CC2D2B: variants seen among roughly 807,000 people sequenced by gnomAD.
CC2D2B encodes the protein coiled-coil and C2 domain containing 2B.
In CC2D2B, 128 loss-of-function variants were observed where a neutral mutation model predicts 161.2. That is an observed-to-expected ratio of 0.79 (90% CI 0.69 to 0.92). The LOEUF (loss-of-function observed/expected upper bound fraction) is 0.92. CC2D2B is among the 40% of genes least tolerant of loss of function. The pLI, the probability that CC2D2B is intolerant of heterozygous loss-of-function variation, is 0.00. For synonymous variants in CC2D2B, 391 were observed against 449.8 expected (o/e 0.87, Z 1.65); for missense variants, 1,173 against 1,375.1 (o/e 0.85, Z 2.32).
intron 9 of CC2D2B, among the ~76,000 whole-genome samples, chr10:95,947,113 A>ATATATTTTTTTT (rs1289243570): frequency 2.1e-5 from 1 of 48,376 alleles, no homozygotes; most frequent in African/African-American, 9.4e-5. Context: ...ATATATATAT[A>ATATATTTTTTTT]TTTTTTTTTT....
chr10:96,010,428 T>C (rs1420793910), intron 26 of CC2D2B, among the ~76,000 whole-genome samples: 1 of 152,174 alleles, frequency 6.6e-6, no homozygotes, highest in Non-Finnish European at 1.5e-5. Flanking sequence ...TAAGTGATGA[T>C]AGGCAAGGCA....
chr10:96,002,298 C>G (rs1036190059), intron 24 of CC2D2B, among the ~76,000 whole-genome samples: 1 of 151,996 alleles, frequency 6.6e-6, no homozygotes, highest in African/African-American at 2.4e-5. Context: ...GATACAAGAC[C>G]CCAACTCCCC....
intron 2 of CC2D2B, among the ~76,000 whole-genome samples, chr10:95,914,525 A>G (rs1038208466): frequency 4.6e-5 from 7 of 152,106 alleles, no homozygotes; most frequent in Admixed American, 2.6e-4. Flanking sequence ...CCAAGTGTCA[A>G]TGGGGGGACC....
At chr10:95,989,612 A>T (rs972477810) in intron 20 of CC2D2B, among the ~76,000 whole-genome samples, 8 of 152,226 alleles carry the variant, frequency 5.3e-5, no homozygotes, top group Non-Finnish European at 8.8e-5. Context: ...TTTTTATGTA[A>T]GGAGAAGCCC....
intron 33 of CC2D2B, among the ~76,000 whole-genome samples, chr10:96,025,153 AAATATAT>A (rs1267253978): frequency 8.5e-5 from 2 of 23,420 alleles, no homozygotes; most frequent in East Asian, 2.9e-3. Flanking sequence ...TACTAAAAAA[AAATATAT>A]ATATATATAT....
At chr10:95,998,639 C>A (rs1377749239) in intron 24 of CC2D2B, among the ~76,000 whole-genome samples, 2 of 152,056 alleles carry the variant, frequency 1.3e-5, no homozygotes, top group African/African-American at 2.4e-5. Flanking sequence ...GGATGGCAAG[C>A]TGGAGACTTG....
rs1365500032 is a variant in CC2D2B, at chr10:96,009,879, G to C, written c.3001G>C (p.Gly1001Arg). The C allele has an allele frequency of 6.2e-7, 1 of 1,610,156 alleles. No individual in the cohort carries two copies. Among genetic ancestry groups the C allele is most frequent in the Non-Finnish European group, 8.5e-7 (1 of 1,177,434 alleles). Residue 1001 changes from glycine (G) to arginine (R), a missense_variant, in exon 26 of 35, where the codon GGA becomes CGA. Coordinates refer to ENST00000646931, the MANE Select transcript of CC2D2B (RefSeq NM_001349008.3). ...CTCATATATAAGAAAGAATTGGCTT[G>C]GATGCATTGTCTTCCCTTTTTCTGC... ...GHSYIRKNWLGCIVFPFSALL... is the reference protein window; with the variant it reads ...GHSYIRKNWLRCIVFPFSALL...
intron 9 of CC2D2B, among the ~76,000 whole-genome samples, chr10:95,942,288 G>A (rs374952865): frequency 1.8e-4 from 27 of 152,222 alleles, no homozygotes; most frequent in East Asian, 1.2e-3. Context: ...AAACTTAAAC[G>A]AGGGTAGATC....
At chr10:95,978,277 T>G (rs1452597478) in intron 17 of CC2D2B, among the ~76,000 whole-genome samples, 1 of 152,242 alleles carries the variant, frequency 6.6e-6, no homozygotes, top group African/African-American at 2.4e-5. Flanking sequence ...TCAGCCACTA[T>G]TTCTTCAAAT....
At chr10:95,921,371 A>C (rs889758647) in intron 2 of CC2D2B, 12 of 152,274 alleles carry the variant, frequency 7.9e-5, no homozygotes, top group Non-Finnish European at 1.5e-4. Context: ...TCTTCCTGCC[A>C]TGCTGCCTGG....
chr10:95,912,953 T>G (rs146629598), intron 2 of CC2D2B, among the ~76,000 whole-genome samples: 308 of 152,222 alleles, frequency 2.0e-3, no homozygotes, highest in African/African-American at 7.3e-3. Context: ...TTTTTATCAT[T>G]TCTTTGTGTT....
chr10:95,983,851 G>C, intron 19 of CC2D2B, 42 bp downstream of exon 19: 1 of 933,080 alleles, frequency 1.1e-6, no homozygotes. Flanking sequence ...GTATGATAAA[G>C]TTAACGTTTT....
intron 25 of CC2D2B, among the ~76,000 whole-genome samples, chr10:96,006,972 C>A (rs564699143): frequency 6.6e-6 from 1 of 152,206 alleles, no homozygotes; most frequent in South Asian, 2.1e-4. Context: ...TCTTAAAATT[C>A]TTTCATTGCT....
At chr10:95,968,977 T>C (rs1001625961) in intron 15 of CC2D2B, 76 bp downstream of exon 15, 2 of 608,952 alleles carry the variant, frequency 3.3e-6, no homozygotes, top group Admixed American at 8.7e-5. Context: ...GCTACAGTTA[T>C]ATGTGATAAG....
rs2077950426 is a variant in CC2D2B at position 95,991,340 on chromosome 10, A to G, written c.2380-30A>G. 9.6e-6 allele frequency: 7 copies of G among 726,398 alleles called. No homozygotes were observed. In the Admixed American group the frequency reaches 3.1e-4, roughly 32 times the overall value. The allele number at this position is 726,398 out of a possible 1,614,324, so 45.0% of individuals were successfully genotyped here. A position where few individuals can be genotyped will look rare whatever the true frequency, so the allele number is the denominator to read the frequency against. Reference sequence around the variant, plus strand: ...CTTAACCTTAAAATATAAACAATACATTTTTTATTAAATTCTAAATTTTTT... The same window carrying G: ...CTTAACCTTAAAATATAAACAATACGTTTTTTATTAAATTCTAAATTTTTT... On this transcript the variant is annotated intron_variant, in intron 20 of 34. Transcript: ENST00000646931.
chr10:95,968,941 C>G, intron 15 of CC2D2B, 40 bp downstream of exon 15: 1 of 1,124,106 alleles, frequency 8.9e-7, no homozygotes, highest in Non-Finnish European at 1.1e-6. Context: ...TATTTTATGC[C>G]ATACATAATT....
At position 95,968,791 on chromosome 10, in the gene CC2D2B, A is replaced by G. The variant is rs2141474124; in HGVS notation, c.1534A>G (p.Lys512Glu). ...CTTTATTAAAATATTTTACAACAAT[A>G]AACAGGTTTCTTGTACTTCAGTATC... ...KYFIKIFYNNKQVSCTSVSPL... is the reference protein window; with the variant it reads ...KYFIKIFYNNEQVSCTSVSPL... The change falls in exon 15 of 35, where the codon AAA becomes GAA. Residue 512 changes from lysine to glutamate, a missense_variant. Transcript: ENST00000646931. The G allele has an allele frequency of 8.3e-7, 1 of 1,210,266 alleles. No individual in the cohort carries two copies. Among genetic ancestry groups the G allele is most frequent in the Non-Finnish European group, 1.0e-6 (1 of 968,240 alleles). 75.0% of individuals were successfully genotyped at this position (1,210,266 alleles called of 1,614,324 possible).
intron 24 of CC2D2B, among the ~76,000 whole-genome samples, chr10:96,003,680 T>C (rs2078625725): frequency 6.6e-6 from 1 of 151,392 alleles, no homozygotes; most frequent in Admixed American, 6.6e-5. Context: ...TGCCTCGAAC[T>C]CCTGACCTCA....
At position 96,012,248 on chromosome 10, in the gene CC2D2B, T is replaced by TA. The variant is rs2079026346; in HGVS notation, c.3110dup (p.Tyr1037Ter). 1 of 710,936 alleles carries TA rather than the reference T, an allele frequency of 1.4e-6. No homozygotes were observed. Among genetic ancestry groups the TA allele is most frequent in the Non-Finnish European group, 2.6e-6 (1 of 383,492 alleles). 44.0% of individuals were successfully genotyped at this position (710,936 alleles called of 1,614,324 possible). Residue 1037 changes from tyrosine to a stop codon, truncating the protein, a stop_gained and frameshift_variant, in exon 27 of 35, where the codon TAT becomes TAAT. Transcript: ENST00000646931. LOFTEE classifies it high-confidence loss of function. ...GCTCGGGTATACTTGGAGTAATACT[T>TA]ATGTATTTCCTAAAGAAGATTCCAA... ...VLLGYTWSNTYVFPKEDSNEQ... is the reference protein window; with the variant it reads ...VLLGYTWSNT
Sources: gnomAD v4.1 joint callset for allele counts (sites outside exome capture counted in the v4.1 genomes callset) on GRCh38, gnomAD v4.1.1 for gene constraint, MANE v1.5 for transcripts, NCBI Gene and HGNC (gene_info 2026-07-23, HGNC 2026-07-21) for gene names.